The following IFRD1 variants were observed in gnomAD, a reference collection of about 807,000 sequenced individuals.
IFRD1 encodes interferon-related developmental regulator 1.
A neutral mutation model predicts 52.9 loss-of-function variants in IFRD1; 35 were observed. The ratio of observed to expected loss-of-function variants is 0.66; its 90% CI spans 0.51 to 0.88. The LOEUF is 0.88. Among genes scored for constraint, IFRD1 ranks in the 40% least tolerant of loss-of-function variants. IFRD1 has a pLI of 0.00. For missense variants in IFRD1, 517 were observed against 550.8 expected (o/e 0.94, Z 0.61); for synonymous variants, 184 against 188.4 (o/e 0.98, Z 0.19).
chr7:112,454,923 G>T (rs1325517030), intron 1 of IFRD1, among the ~76,000 whole-genome samples: 1 of 138,766 alleles, frequency 7.2e-6, no homozygotes, highest in African/African-American at 2.7e-5. Context: ...CTGGAGTGCA[G>T]TGGCACCATC....
At chr7:112,453,388 G>C (rs1247058439) in intron 1 of IFRD1, among the ~76,000 whole-genome samples, 1 of 152,016 alleles carries the variant, frequency 6.6e-6, no homozygotes, top group African/African-American at 2.4e-5. Context: ...TCACAGTGTG[G>C]GTGGGTGAGT....
intron 1 of IFRD1, among the ~76,000 whole-genome samples, chr7:112,445,062 C>CTTT (rs3057810): frequency 1.2e-4 from 12 of 102,678 alleles, no homozygotes; most frequent in African/African-American, 1.4e-4. Flanking sequence ...CCTAGGCTTT[C>CTTT]TTTTTTTTTT....
intron 4 of IFRD1, 107 bp from the exon 5 acceptor site, chr7:112,458,754 A>G (rs1795355597): frequency 9.4e-7 from 1 of 1,059,728 alleles, no homozygotes; most frequent in Admixed American, 1.9e-5. Context: ...TGGGGTTTCA[A>G]AAATGGTAAA....
At chr7:112,433,908 C>A (rs933585079) in intron 1 of IFRD1, among the ~76,000 whole-genome samples, 1 of 152,232 alleles carries the variant, frequency 6.6e-6, no homozygotes, top group African/African-American at 2.4e-5. Flanking sequence ...GCAACATTCA[C>A]TTCCCAGCTC....
chr7:112,451,030 G>T (rs1795149107), intron 1 of IFRD1: 1 of 544,742 alleles, frequency 1.8e-6, no homozygotes, highest in African/African-American at 1.9e-5. Flanking sequence ...GGGTCCTTGG[G>T]CCTGAGAGTG....
At chr7:112,427,603 A>G (rs1794454919) in intron 1 of IFRD1, among the ~76,000 whole-genome samples, 1 of 152,240 alleles carries the variant, frequency 6.6e-6, no homozygotes, top group Non-Finnish European at 1.5e-5. Context: ...GAAAAACAAC[A>G]TAAACGATAG....
rs1453574999 is a variant in IFRD1 at position 112,458,968 on chromosome 7, C to A, written c.517C>A (p.Leu173Ile). 1.2e-6 allele frequency: 2 copies of A among 1,613,624 alleles called. No individual in the cohort carries two copies. Among genetic ancestry groups the A allele is most frequent in the Non-Finnish European group, 1.7e-6 (2 of 1,179,770 alleles). ...EEILKTLGPI[L>I]KKIICDGSAS... Reference sequence around the variant, plus strand: ...GATTTTGAAAACTCTTGGACCAATCCTAAAGAAAATCATTTGTGATGGGTC... The same window carrying A: ...GATTTTGAAAACTCTTGGACCAATCATAAAGAAAATCATTTGTGATGGGTC... Residue 173 changes from leucine (L) to isoleucine (I), a missense_variant, in exon 5 of 12, where the codon CTA (leucine) becomes ATA (isoleucine). Coordinates refer to ENST00000403825, the MANE Select transcript of IFRD1 (RefSeq NM_001550.4).
In IFRD1 at chr7:112,450,576, A is replaced by G. The variant is rs904521705; in HGVS notation, c.-113A>G. 1 of 794,082 alleles carries G rather than the reference A, an allele frequency of 1.3e-6. No individual in the cohort carries two copies. The highest frequency in any genetic ancestry group is 2.2e-6 in the Non-Finnish European group (1 of 454,142). The allele number at this position is 794,082 out of a possible 1,614,324, so 49.2% of individuals were successfully genotyped here. On this transcript the variant is annotated 5_prime_UTR_variant, in exon 1 of 12. Coordinates refer to ENST00000403825, the MANE Select transcript of IFRD1 (RefSeq NM_001550.4). Reference sequence around the variant, plus strand: ...CCCGCCGCTTCTCGACTCTGTTGTTAGCCGAAGACTCGCCTCTCAGCCGCC... The same window carrying G: ...CCCGCCGCTTCTCGACTCTGTTGTTGGCCGAAGACTCGCCTCTCAGCCGCC...
At chr7:112,440,588 T>C (rs1326181804) in intron 1 of IFRD1, among the ~76,000 whole-genome samples, 1 of 152,190 alleles carries the variant, frequency 6.6e-6, no homozygotes. Context: ...AGTTCACTCA[T>C]TCTCCATAAT....
At chr7:112,441,576 TAC>T (rs1251800719) in intron 1 of IFRD1, among the ~76,000 whole-genome samples, 1 of 152,244 alleles carries the variant, frequency 6.6e-6, no homozygotes, top group African/African-American at 2.4e-5. Context: ...TGCTTCTCTC[TAC>T]AGTCCTGTTT....
At chr7:112,464,268 G>GA (rs932747809) in intron 8 of IFRD1, among the ~76,000 whole-genome samples, 1 of 151,362 alleles carries the variant, frequency 6.6e-6, no homozygotes, top group Admixed American at 6.6e-5. Context: ...GAGAGACTTA[G>GA]AAAAAAAACT....
At chr7:112,425,645 G>A (rs1466626519) in intron 1 of IFRD1, among the ~76,000 whole-genome samples, 1 of 152,104 alleles carries the variant, frequency 6.6e-6, no homozygotes, top group Non-Finnish European at 1.5e-5. Flanking sequence ...CCAGCTCTCT[G>A]GTTCTCCAGC....
rs1212079878 is a variant in IFRD1, at chr7:112,477,177, T to C, written c.*1658T>C. On this transcript the variant is annotated 3_prime_UTR_variant, in exon 12 of 12. Transcript: ENST00000403825. ...CATGTAATTATAAATAAATAATGAA[T>C]TTTTATTAAAGTGTTGTATGAACAT... is the stretch of plus-strand genomic sequence containing the variant. The C allele has an allele frequency of 6.6e-6, 1 of 152,222 alleles. No homozygotes were observed. Among genetic ancestry groups the C allele is most frequent in the Non-Finnish European group, 1.5e-5 (1 of 68,036 alleles). The allele number at this position is 152,222 out of a possible 1,614,324, so 9.4% of individuals were successfully genotyped here.
chr7:112,467,852 T>C, intron 8 of IFRD1, 129 bp from the exon 9 acceptor site: 1 of 894,424 alleles, frequency 1.1e-6, no homozygotes, highest in East Asian at 2.6e-5. Context: ...AGTCCCTAAA[T>C]ACCATGAAGA....
chr7:112,427,197 A>C (rs899198462), intron 1 of IFRD1, among the ~76,000 whole-genome samples: 2 of 152,234 alleles, frequency 1.3e-5, no homozygotes, highest in Non-Finnish European at 2.9e-5. Flanking sequence ...CTGTCATAAC[A>C]AACCGACTCT....
chr7:112,467,410 A>T (rs768918189), intron 8 of IFRD1: 2 of 154,090 alleles, frequency 1.3e-5, no homozygotes, highest in African/African-American at 4.8e-5. Context: ...GGAAGCCCAT[A>T]ATCTGCTTAA....
At chr7:112,433,017 A>G (rs1794580101) in intron 1 of IFRD1, among the ~76,000 whole-genome samples, 1 of 152,226 alleles carries the variant, frequency 6.6e-6, no homozygotes, top group Non-Finnish European at 1.5e-5. Flanking sequence ...GTCAGAATGG[A>G]TACGGCACTG....
At position 112,462,394 on chromosome 7, in the gene IFRD1, G is replaced by A. The variant is rs1236449762; in HGVS notation, c.906+16G>A. The A allele has an allele frequency of 1.2e-5, 18 of 1,542,896 alleles. No individual in the cohort carries two copies. The South Asian group carries it at 1.3e-4, about 11-fold the overall frequency. On this transcript the variant is annotated intron_variant, in intron 8 of 11. Transcript: ENST00000403825. Reference sequence around the variant, plus strand: ...AATAGAGAGTGTAAGTATCTAACTGGCAGAGGAAAAAGCTTGTGTCACAAG... The same window carrying A: ...AATAGAGAGTGTAAGTATCTAACTGACAGAGGAAAAAGCTTGTGTCACAAG...
intron 1 of IFRD1, among the ~76,000 whole-genome samples, chr7:112,433,830 C>CTT (rs35769207): frequency 1.3e-5 from 2 of 151,880 alleles, no homozygotes; most frequent in East Asian, 1.9e-4. Flanking sequence ...AATATAATTT[C>CTT]TTTTTTTTGA....
Sources: allele counts gnomAD v4.1 joint callset (sites outside exome capture counted in the v4.1 genomes callset), GRCh38; gene constraint gnomAD v4.1.1; transcripts MANE v1.5; gene names NCBI Gene and HGNC (gene_info 2026-07-23, HGNC 2026-07-21).